Variants in MSRA observed in about 807,000 individuals in gnomAD.
MSRA encodes mitochondrial peptide methionine sulfoxide reductase.
Under a neutral mutation model 31.3 loss-of-function variants are expected in MSRA, and 54 were observed. The observed-to-expected ratio is 1.73, with a 90% confidence interval of 1.39 to 2.17. MSRA has a LOEUF of 2.17. Among genes scored for constraint, MSRA ranks in the 30% most tolerant of loss-of-function variants. MSRA has a pLI of 0.00. For missense variants in MSRA, 507 were observed against 300.9 expected (o/e 1.69, Z -5.07); for synonymous variants, 169 against 116.5 (o/e 1.45, Z -2.90).
At chr8:10,366,753 T>G (rs546164994) in intron 5 of MSRA, among the ~76,000 whole-genome samples, 28 of 152,276 alleles carry the variant, frequency 1.8e-4, no homozygotes, top group Middle Eastern at 3.4e-3. Flanking sequence ...TTAACTGATC[T>G]TTTTCATTCT....
At chr8:10,272,501 A>C (rs1373149447) in intron 3 of MSRA, among the ~76,000 whole-genome samples, 1 of 152,222 alleles carries the variant, frequency 6.6e-6, no homozygotes, top group Non-Finnish European at 1.5e-5. Flanking sequence ...CCTTCAACTT[A>C]CTGGGTGAGG....
chr8:10,280,535 TA>T (rs1264328977), intron 3 of MSRA, among the ~76,000 whole-genome samples: 2 of 152,208 alleles, frequency 1.3e-5, no homozygotes, highest in African/African-American at 2.4e-5. Context: ...CTAGACAACT[TA>T]AAAAATATTT....
chr8:10,221,155 A>G (rs1160329248), intron 2 of MSRA, among the ~76,000 whole-genome samples: 3 of 152,226 alleles, frequency 2.0e-5, no homozygotes, highest in Non-Finnish European at 2.9e-5. Flanking sequence ...TTCCCGAGCA[A>G]ATAGCCAGTG....
intron 1 of MSRA, among the ~76,000 whole-genome samples, chr8:10,077,590 T>C (rs1347078161): frequency 6.6e-6 from 1 of 151,422 alleles, no homozygotes; most frequent in African/African-American, 2.4e-5. Flanking sequence ...CTCTGAGTGT[T>C]GGAATTACAG....
At chr8:10,328,680 G>T (rs556151892) in intron 5 of MSRA, among the ~76,000 whole-genome samples, 1 of 152,232 alleles carries the variant, frequency 6.6e-6, no homozygotes, top group African/African-American at 2.4e-5. Flanking sequence ...TGAGACATCT[G>T]TAACTTCTAA....
chr8:10,078,482 C>T (rs1226082917), intron 1 of MSRA, among the ~76,000 whole-genome samples: 1 of 152,246 alleles, frequency 6.6e-6, no homozygotes, highest in Admixed American at 6.5e-5. Context: ...GGACTCTGCC[C>T]TCAGGCACCA....
At position 10,200,460 on chromosome 8, in the gene MSRA, G is replaced by A. The variant is rs1444437837; in HGVS notation, c.143-7373G>A. Among the ~76,000 whole-genome samples, 3 of 152,172 alleles carry A rather than the reference G, an allele frequency of 2.0e-5. No individual in the cohort carries two copies. In the South Asian group the frequency reaches 6.2e-4, roughly 31 times the overall value. On this transcript the variant is annotated intron_variant, in intron 1 of 5. Transcript: ENST00000317173. ...CTTCTGGGTACCCACAGCAGCTGGG[G>A]ACATTTGCCTTATTCCCACCATGGC... is the stretch of plus-strand genomic sequence containing the variant.
intron 1 of MSRA, among the ~76,000 whole-genome samples, chr8:10,199,969 C>T (rs1808354171): frequency 6.6e-6 from 1 of 152,196 alleles, no homozygotes; most frequent in South Asian, 2.1e-4. Flanking sequence ...TTATGCCTCA[C>T]CAAGGTGGGT....
At chr8:10,267,290 A>G (rs1798795941) in intron 3 of MSRA, among the ~76,000 whole-genome samples, 1 of 152,202 alleles carries the variant, frequency 6.6e-6, no homozygotes. Flanking sequence ...ACAACAGCCA[A>G]GAGAGAAGTT....
At chr8:10,304,713 G>A (rs892376965) in intron 4 of MSRA, among the ~76,000 whole-genome samples, 1 of 152,306 alleles carries the variant, frequency 6.6e-6, no homozygotes, top group East Asian at 1.9e-4. Context: ...ATGGCAACCT[G>A]TCACGTTTCA....
intron 1 of MSRA, among the ~76,000 whole-genome samples, chr8:10,157,900 A>C (rs544356922): frequency 4.5e-4 from 68 of 152,230 alleles, no homozygotes; most frequent in Non-Finnish European, 8.5e-4. Flanking sequence ...TCATCTATTT[A>C]ATGTGTACAG....
intron 1 of MSRA, among the ~76,000 whole-genome samples, chr8:10,070,745 G>A (rs1797693155): frequency 6.6e-6 from 1 of 152,168 alleles, no homozygotes; most frequent in South Asian, 2.1e-4. Context: ...CATAAACGAT[G>A]TCATATAGTA....
At chr8:10,310,715 T>C (rs1432992657) in intron 4 of MSRA, among the ~76,000 whole-genome samples, 1 of 152,208 alleles carries the variant, frequency 6.6e-6, no homozygotes, top group Non-Finnish European at 1.5e-5. Context: ...ACTTACTACA[T>C]TGCTTGACGG....
At chr8:10,334,593 C>T (rs1802910717) in intron 5 of MSRA, among the ~76,000 whole-genome samples, 1 of 152,256 alleles carries the variant, frequency 6.6e-6, no homozygotes, top group African/African-American at 2.4e-5. Flanking sequence ...CCTGCACGGC[C>T]GCGGGACGCC....
At chr8:10,300,629 C>G (rs562357240) in intron 3 of MSRA, among the ~76,000 whole-genome samples, 82 of 152,274 alleles carry the variant, frequency 5.4e-4, no homozygotes, top group Middle Eastern at 6.8e-3. Context: ...TCAGGTGATG[C>G]ACCCTCCTCG....
At chr8:10,177,144 A>G (rs1201765535) in intron 1 of MSRA, among the ~76,000 whole-genome samples, 2 of 152,178 alleles carry the variant, frequency 1.3e-5, no homozygotes, top group Non-Finnish European at 2.9e-5. Flanking sequence ...ATTGAGTAGT[A>G]CTAGTATGGT....
chr8:10,351,900 G>T (rs904076765), intron 5 of MSRA, among the ~76,000 whole-genome samples: 1 of 152,204 alleles, frequency 6.6e-6, no homozygotes, highest in Non-Finnish European at 1.5e-5. Flanking sequence ...TGCTTCTCTG[G>T]ACCCTGGCTG....
chr8:10,409,133 G>A (rs1297442886), intron 5 of MSRA, among the ~76,000 whole-genome samples: 5 of 152,204 alleles, frequency 3.3e-5, no homozygotes, highest in Non-Finnish European at 4.4e-5. Context: ...AGTTCTTTGA[G>A]AAATCTCCAT....
At chr8:10,070,551 C>T (rs1023327249) in intron 1 of MSRA, among the ~76,000 whole-genome samples, 4 of 152,148 alleles carry the variant, frequency 2.6e-5, no homozygotes, top group African/African-American at 4.8e-5. Context: ...AACTATAGTA[C>T]GTCATTACAA....
Sources: allele counts gnomAD v4.1 joint callset (sites outside exome capture counted in the v4.1 genomes callset), GRCh38; gene constraint gnomAD v4.1.1; transcripts MANE v1.5; gene names NCBI Gene and HGNC (gene_info 2026-07-23, HGNC 2026-07-21).